The following LEF1 variants were observed in gnomAD, a reference collection of about 807,000 sequenced individuals.
The protein encoded by LEF1 is lymphoid enhancer-binding factor 1.
LEF1 carries 14 observed loss-of-function variants against 51.2 expected under a neutral mutation model. That is an observed-to-expected ratio of 0.27 (90% CI 0.18 to 0.43). LEF1 has a LOEUF of 0.43. Among genes scored for constraint, LEF1 ranks in the 20% least tolerant of loss-of-function variants. The pLI is 1.00. For missense variants in LEF1, 386 were observed against 512.0 expected (o/e 0.75, Z 2.37); for synonymous variants, 185 against 183.2 (o/e 1.01, Z -0.08).
intron 11 of LEF1, among the ~76,000 whole-genome samples, chr4:108,059,924 A>T (rs569845423): frequency 1.3e-5 from 2 of 152,200 alleles, no homozygotes; most frequent in South Asian, 4.2e-4. Context: ...GGCTCAAGCA[A>T]TTCACCCACT....
At position 108,167,351 on chromosome 4, in the gene LEF1, T is replaced by TACACACAC. The variant is rs35000095; in HGVS notation, c.213+196_213+203dup. 6.0e-3 allele frequency among the ~76,000 whole-genome samples: 788 copies of TACACACAC among 131,766 alleles called. 10 individuals are homozygous for TACACACAC. Among genetic ancestry groups the TACACACAC allele is most frequent in the Non-Finnish European group, 7.5e-3 (458 of 61,178 alleles). The allele number at this position is 131,766 out of a possible 152,430, so 86.4% of individuals were successfully genotyped here. On this transcript the variant is annotated intron_variant, in intron 1 of 11. Coordinates refer to ENST00000265165, the MANE Select transcript of LEF1 (RefSeq NM_016269.5). The surrounding 1 kb of genome is among the most constrained non-coding windows in gnomAD (Gnocchi z 5.7). ...TACCCTGCCCCTCTACCTCCCATCC[T>TACACACAC]ACACACACACACACACACACACACA...
intron 3 of LEF1, among the ~76,000 whole-genome samples, chr4:108,124,972 G>T (rs536457511): frequency 7.9e-5 from 12 of 152,050 alleles, no homozygotes; most frequent in Non-Finnish European, 1.3e-4. Flanking sequence ...TATCTGAAAT[G>T]ACCTCTCTAC....
In LEF1 at chr4:108,079,511, C is replaced by T. The variant is rs1374631633; in HGVS notation, c.826G>A (p.Asp276Asn). Reference sequence around the variant, plus strand: ...ACTTACACGTGCATTAGGTCACTGTCAGTGTGGGGATGTTCCTGTTTGACC... The same window carrying T: ...ACTTACACGTGCATTAGGTCACTGTTAGTGTGGGGATGTTCCTGTTTGACC... ...PQVKQEHPHT[D>N]SDLMHVKPQH... The change falls in exon 7 of 12, where the codon GAC becomes AAC. Residue 276 changes from aspartate (D) to asparagine (N), a missense_variant. This residue lies in a region of LEF1 where 335 missense variants were observed against 390.7 expected (regional missense o/e 0.86). Transcript: ENST00000265165. 7 of 1,613,966 alleles carry T rather than the reference C, an allele frequency of 4.3e-6. No individual in the cohort carries two copies. The African/African-American group carries it at 8.0e-5, about 18-fold the overall frequency.
chr4:108,147,184 A>T (rs970513263), intron 3 of LEF1, among the ~76,000 whole-genome samples: 1 of 152,066 alleles, frequency 6.6e-6, no homozygotes, highest in Non-Finnish European at 1.5e-5. Context: ...TCAGGGATAC[A>T]TGGCTAGTCA....
At chr4:108,062,376 G>C (rs979155436) in intron 11 of LEF1, among the ~76,000 whole-genome samples, 1 of 152,150 alleles carries the variant, frequency 6.6e-6, no homozygotes, top group Non-Finnish European at 1.5e-5. Flanking sequence ...ATGGGCTTTC[G>C]AAGCCCAGGG....
chr4:108,155,174 T>C (rs1483028896), intron 3 of LEF1, among the ~76,000 whole-genome samples: 1 of 152,176 alleles, frequency 6.6e-6, no homozygotes, highest in Non-Finnish European at 1.5e-5. Flanking sequence ...CAAAAACATA[T>C]TCTTACCTCA....
At chr4:108,132,919 C>G (rs1014577991) in intron 3 of LEF1, among the ~76,000 whole-genome samples, 1 of 151,946 alleles carries the variant, frequency 6.6e-6, no homozygotes, top group Non-Finnish European at 1.5e-5. Flanking sequence ...AATCTGCCTG[C>G]CCCTACCTCC....
At position 108,109,478 on chromosome 4, in the gene LEF1, T is replaced by C. The variant is rs562490166; in HGVS notation, c.415-20221A>G. Among the ~76,000 whole-genome samples the C allele has an allele frequency of 4.6e-5, 7 of 152,364 alleles. No homozygotes were observed. The South Asian group carries it at 1.4e-3, about 32-fold the overall frequency. ...TCTTTGGTAAGTCTCTCCATCTCCATGTGCCTAGTTTTTCCTCATTTGTAA... is the reference window on the plus strand; with the variant it reads ...TCTTTGGTAAGTCTCTCCATCTCCACGTGCCTAGTTTTTCCTCATTTGTAA... On this transcript the variant is annotated intron_variant, in intron 3 of 11. Transcript: ENST00000265165.
intron 3 of LEF1, among the ~76,000 whole-genome samples, chr4:108,133,955 G>A (rs917952744): frequency 4.6e-5 from 7 of 152,096 alleles, no homozygotes; most frequent in Non-Finnish European, 1.0e-4. Flanking sequence ...CCTTGGGGCT[G>A]CACGTCTTAC....
At chr4:108,070,863 G>T in intron 8 of LEF1, 93 bp from the exon 9 acceptor site, 3 of 853,744 alleles carry the variant, frequency 3.5e-6, no homozygotes, top group East Asian at 2.7e-5. Context: ...AAAATATTAA[G>T]CATTTAAACT....
chr4:108,162,365 T>C (rs1380742696), intron 3 of LEF1, among the ~76,000 whole-genome samples: 1 of 152,218 alleles, frequency 6.6e-6, no homozygotes, highest in Non-Finnish European at 1.5e-5. Flanking sequence ...CTCAAAGTGA[T>C]CATATTTGAT....
intron 3 of LEF1, among the ~76,000 whole-genome samples, chr4:108,120,743 T>C (rs910529304): frequency 2.0e-5 from 3 of 152,238 alleles, no homozygotes; most frequent in Admixed American, 6.5e-5. Context: ...TGTTTCATTA[T>C]ATAATACCAC....
At chr4:108,109,416 G>C (rs1741382891) in intron 3 of LEF1, among the ~76,000 whole-genome samples, 1 of 152,174 alleles carries the variant, frequency 6.6e-6, no homozygotes, top group South Asian at 2.1e-4. Flanking sequence ...GACTGCCTGG[G>C]TTTGAATATC....
At chr4:108,133,925 C>T (rs1404756235) in intron 3 of LEF1, among the ~76,000 whole-genome samples, 1 of 152,084 alleles carries the variant, frequency 6.6e-6, no homozygotes, top group South Asian at 2.1e-4. Context: ...GGTACAGGCC[C>T]CTAATCTCTT....
chr4:108,057,025 C>T (rs1365384963), intron 11 of LEF1, among the ~76,000 whole-genome samples: 1 of 152,054 alleles, frequency 6.6e-6, no homozygotes, highest in Non-Finnish European at 1.5e-5. Context: ...CACGTGTTGC[C>T]CTGGCTGCCG....
Position 108,098,552 on chromosome 4 carries a change from T to C in LEF1, c.415-9295A>G, listed in dbSNP as rs868283669. Among the ~76,000 whole-genome samples the C allele has an allele frequency of 1.1e-3, 169 of 152,352 alleles. 1 individual carries two copies. Among genetic ancestry groups the C allele is most frequent in the African/African-American group, 3.9e-3 (162 of 41,580 alleles). Reference sequence around the variant, plus strand: ...TCTAGGAAAAGCATTTGCCTTATTTTAGTTTAAGTAAAACTGATTCTTTAA... The same window carrying C: ...TCTAGGAAAAGCATTTGCCTTATTTCAGTTTAAGTAAAACTGATTCTTTAA... On this transcript the variant is annotated intron_variant, in intron 3 of 11. Coordinates refer to ENST00000265165, the MANE Select transcript of LEF1 (RefSeq NM_016269.5).
At chr4:108,154,549 A>G (rs1193361711) in intron 3 of LEF1, among the ~76,000 whole-genome samples, 1 of 151,778 alleles carries the variant, frequency 6.6e-6, no homozygotes, top group Admixed American at 6.6e-5. Context: ...ATGAATACAA[A>G]TAAGAAAAAA....
chr4:108,131,575 G>A (rs568046564), intron 3 of LEF1, among the ~76,000 whole-genome samples: 16 of 151,996 alleles, frequency 1.1e-4, no homozygotes, highest in Admixed American at 5.2e-4. Context: ...TCCACAAATT[G>A]CCTACATAGT....
chr4:108,088,463 G>A (rs1739792441), intron 4 of LEF1, among the ~76,000 whole-genome samples: 1 of 152,222 alleles, frequency 6.6e-6, no homozygotes, highest in Admixed American at 6.5e-5. Flanking sequence ...AAGGCTTGGT[G>A]CACCAGAGCT....
Sources: allele counts gnomAD v4.1 joint callset (sites outside exome capture counted in the v4.1 genomes callset), GRCh38; gene constraint gnomAD v4.1.1; regional missense constraint gnomAD v4.1.1; non-coding constraint Gnocchi (gnomAD v3.1); transcripts MANE v1.5; gene names NCBI Gene and HGNC (gene_info 2026-07-23, HGNC 2026-07-21).